Variants in NUP210 observed in about 807,000 individuals in gnomAD.
The protein encoded by NUP210 is nuclear pore membrane glycoprotein 210.
Under a neutral mutation model 196.0 loss-of-function variants are expected in NUP210, and 151 were observed. That is an observed-to-expected ratio of 0.77 (90% CI 0.67 to 0.88). The LOEUF is 0.88. NUP210 is among the 40% of genes least tolerant of loss of function. The probability of loss-of-function intolerance (pLI) is 0.00; values close to 1 mark genes in which losing one functional copy is unlikely to be tolerated. For synonymous variants in NUP210, 1,070 were observed against 1,052.7 expected (o/e 1.02, Z -0.32); for missense variants, 2,314 against 2,493.7 (o/e 0.93, Z 1.53).
chr3:13,386,387 G>A lies in NUP210; in HGVS notation c.705C>T (p.Val235=), dbSNP rs760851406. The A allele has an allele frequency of 1.2e-6, 2 of 1,614,206 alleles. No homozygotes were observed. The highest frequency in any genetic ancestry group is 1.7e-5 in the Admixed American group (1 of 60,020). ...GGATGTTTTCCAAAATCAGCAGCCT[G>A]ACTTCTGCAGGGCGTACATTCTTGG... ...AVYKNVRPAE[V]RLLILENILL... The change falls in exon 6 of 40, where the codon GTC becomes GTT. Residue 235 remains valine, a synonymous_variant. Coordinates refer to ENST00000254508, the MANE Select transcript of NUP210 (RefSeq NM_024923.4).
intron 1 of NUP210, among the ~76,000 whole-genome samples, chr3:13,417,012 G>A (rs970466227): frequency 1.3e-5 from 2 of 152,306 alleles, no homozygotes; most frequent in Middle Eastern, 3.4e-3. Flanking sequence ...TATACTTTAT[G>A]GAACACTTTC....
intron 12 of NUP210, among the ~76,000 whole-genome samples, chr3:13,372,792 C>T (rs575507203): frequency 2.4e-4 from 36 of 152,270 alleles, no homozygotes; most frequent in East Asian, 3.9e-4. Flanking sequence ...GTGCAAGCCC[C>T]GCCAGCTGGC....
chr3:13,411,274 G>C (rs1700167290), intron 1 of NUP210, among the ~76,000 whole-genome samples: 1 of 152,144 alleles, frequency 6.6e-6, no homozygotes, highest in Non-Finnish European at 1.5e-5. Flanking sequence ...TCCAGCTGAA[G>C]GAAACTGGGT....
intron 14 of NUP210, among the ~76,000 whole-genome samples, chr3:13,361,199 G>A (rs886672127): frequency 2.0e-5 from 3 of 152,206 alleles, no homozygotes; most frequent in African/African-American, 4.8e-5. Flanking sequence ...ACGTATGCAC[G>A]AGCTTCGAGG....
chr3:13,349,707 T>A (rs1162079859), intron 20 of NUP210, among the ~76,000 whole-genome samples: 1 of 152,188 alleles, frequency 6.6e-6, no homozygotes, highest in East Asian at 1.9e-4. Context: ...TGTGAGTTGC[T>A]CCTGAAGGAA....
At chr3:13,380,511 G>A (rs774646255) in intron 6 of NUP210, among the ~76,000 whole-genome samples, 2 of 152,166 alleles carry the variant, frequency 1.3e-5, no homozygotes, top group African/African-American at 2.4e-5. Context: ...TCACCATTGC[G>A]CAGCTAGTGG....
chr3:13,408,398 TCTCTC>T (rs1700064026), intron 1 of NUP210, among the ~76,000 whole-genome samples: 1 of 152,202 alleles, frequency 6.6e-6, no homozygotes, highest in Non-Finnish European at 1.5e-5. Flanking sequence ...GCTCCTTCTC[TCTCTC>T]CTGAGAGTCT....
In NUP210 at chr3:13,327,363, G is replaced by A; in HGVS notation, c.4361C>T (p.Thr1454Ile). The change falls in exon 32 of 40, where the codon ACA (threonine) becomes ATA (isoleucine). Residue 1454 changes from threonine to isoleucine, a missense_variant. Thr to Ile is a moderately conservative substitution (Grantham distance 89). Transcript: ENST00000254508. ...CVVRTVSVGL[T>I]LLRVWDAEHP... is the part of the protein sequence containing the mutation. ...CTCTGCGTCCCACACACGGAGCAGT[G>A]TCAGGCCCACGCTGACTGTGCGGAC... 6.2e-7 allele frequency: 1 copy of A among 1,613,494 alleles called. No individual in the cohort carries two copies. The highest frequency in any genetic ancestry group is 1.1e-5 in the South Asian group (1 of 91,076).
In NUP210 at chr3:13,317,572, G is replaced by A; in HGVS notation, c.*109C>T. The A allele has an allele frequency of 1.2e-6, 1 of 813,174 alleles. No individual in the cohort carries two copies. Among genetic ancestry groups the A allele is most frequent in the Non-Finnish European group, 2.1e-6 (1 of 487,010 alleles). 50.4% of individuals were successfully genotyped at this position (813,174 alleles called of 1,614,324 possible). A position where few individuals can be genotyped will look rare whatever the true frequency, so the allele number is the denominator to read the frequency against. On this transcript the variant is annotated 3_prime_UTR_variant, in exon 40 of 40. Transcript: ENST00000254508. ...CGGCAGTGAAGCTGGCCTGGGGCCGGGGCACTCATCTGGAGGGGCTTGTTC... is the reference window on the plus strand; with the variant it reads ...CGGCAGTGAAGCTGGCCTGGGGCCGAGGCACTCATCTGGAGGGGCTTGTTC...
At chr3:13,344,534 A>C (rs146115066) in intron 20 of NUP210, among the ~76,000 whole-genome samples, 125 of 152,322 alleles carry the variant, frequency 8.2e-4, no homozygotes, top group African/African-American at 2.8e-3. Context: ...AAGCTACAAA[A>C]AAATAAAAAA....
In NUP210 at chr3:13,340,027, A is replaced by G. The variant is rs779404251; in HGVS notation, c.3298T>C (p.Ser1100Pro). The G allele has an allele frequency of 2.5e-6, 4 of 1,613,610 alleles. No individual in the cohort carries two copies. The South Asian group carries it at 4.4e-5, about 18-fold the overall frequency. Residue 1100 changes from serine to proline, a missense_variant, in exon 25 of 40, where the codon TCC becomes CCC. Physicochemically the swap from Ser to Pro is moderately conservative, Grantham distance 74. Coordinates refer to ENST00000254508, the MANE Select transcript of NUP210 (RefSeq NM_024923.4). The surrounding 1 kb of genome is among the most constrained non-coding windows in gnomAD (Gnocchi z 4.0). ...LLIGATMQVT[S>P]EGGPQPQSNI... is the part of the protein sequence containing the mutation. Reference sequence around the variant, plus strand: ...GACTGAGGCTGGGGGCCGCCCTCGGAGGTGACCTGAGCGGGGAGGAAACAG... The same window carrying G: ...GACTGAGGCTGGGGGCCGCCCTCGGGGGTGACCTGAGCGGGGAGGAAACAG...
At position 13,350,509 on chromosome 3, in the gene NUP210, C is replaced by T. The variant is rs574488431; in HGVS notation, c.2835+1370G>A. Among the ~76,000 whole-genome samples, 2 of 151,692 alleles carry T rather than the reference C, an allele frequency of 1.3e-5. No homozygotes were observed. Among genetic ancestry groups the T allele is most frequent in the African/African-American group, 4.8e-5 (2 of 41,354 alleles). The stretch of plus-strand genomic sequence containing the variant: ...CAAAACAAAACAGGAAAACATGACC[C>T]GTACTCCAGAAAAAAGGCAGATGAC... On this transcript the variant is annotated intron_variant, in intron 20 of 39. Transcript: ENST00000254508. The surrounding 1 kb of genome is among the most constrained non-coding windows in gnomAD (Gnocchi z 4.1).
At chr3:13,336,494 A>T (rs1483714891) in intron 27 of NUP210, among the ~76,000 whole-genome samples, 1 of 152,242 alleles carries the variant, frequency 6.6e-6, no homozygotes, top group Non-Finnish European at 1.5e-5. Context: ...GCTGCCAGGC[A>T]TCATCTCAGA....
At chr3:13,389,003 G>A (rs529216702) in intron 4 of NUP210, among the ~76,000 whole-genome samples, 5 of 152,364 alleles carry the variant, frequency 3.3e-5, no homozygotes, top group South Asian at 2.1e-4. Context: ...TGTCGGGGAC[G>A]TGGTGTAGCC....
chr3:13,327,181 G>T, intron 32 of NUP210, 36 bp downstream of exon 32: 1 of 1,567,880 alleles, frequency 6.4e-7, no homozygotes, highest in South Asian at 1.1e-5. Context: ...AAGCGTCCGT[G>T]ACTCCACAGG....
At chr3:13,345,987 C>G (rs1279534409) in intron 20 of NUP210, among the ~76,000 whole-genome samples, 1 of 152,252 alleles carries the variant, frequency 6.6e-6, no homozygotes, top group Non-Finnish European at 1.5e-5. Flanking sequence ...GACTGCGGAG[C>G]CCCACGCAGG....
intron 14 of NUP210, among the ~76,000 whole-genome samples, chr3:13,361,382 G>GGGCAACCAGTGGTGCCCAGGGCCCCAT (rs1698363811): frequency 6.6e-6 from 1 of 152,222 alleles, no homozygotes; most frequent in African/African-American, 2.4e-5. Flanking sequence ...CCATGGCCTA[G>GGGCAACCAGTGGTGCCCAGGGCCCCAT]GGCAACCAGT....
chr3:13,319,386 G>T, intron 37 of NUP210, 61 bp from the exon 38 acceptor site: 1 of 1,357,284 alleles, frequency 7.4e-7, no homozygotes, highest in Non-Finnish European at 1.0e-6. Context: ...ATCCCATCAC[G>T]TTCCTGCCCT....
intron 14 of NUP210, among the ~76,000 whole-genome samples, chr3:13,365,541 C>T (rs959813118): frequency 6.6e-6 from 1 of 152,244 alleles, no homozygotes; most frequent in Non-Finnish European, 1.5e-5. Flanking sequence ...CCATACCACA[C>T]GGCCGCTGTC....
Sources: allele counts gnomAD v4.1 joint callset (sites outside exome capture counted in the v4.1 genomes callset), GRCh38; gene constraint gnomAD v4.1.1; non-coding constraint Gnocchi (gnomAD v3.1); transcripts MANE v1.5; gene names NCBI Gene and HGNC (gene_info 2026-07-23, HGNC 2026-07-21).